Variants in MAF observed in about 807,000 individuals in gnomAD.
The protein encoded by MAF is transcription factor Maf.
In MAF, 10 loss-of-function variants were observed where a neutral mutation model predicts 22.0. That is an observed-to-expected ratio of 0.45 (90% CI 0.28 to 0.77). The LOEUF (loss-of-function observed/expected upper bound fraction) is 0.77, where lower values mean the gene tolerates loss of function less well. Among genes scored for constraint, MAF ranks in the 30% least tolerant of loss-of-function variants. The pLI, the probability that MAF is intolerant of heterozygous loss-of-function variation, is 0.12. For synonymous variants in MAF, 337 were observed against 255.8 expected, an observed-to-expected ratio of 1.32 and a Z score of -3.03; for missense variants, 544 against 548.4, an observed-to-expected ratio of 0.99 and a Z score of 0.08.
chr16:79,371,481 G>T, the MAF span, among the ~76,000 whole-genome samples: 1 of 152,054 alleles, frequency 6.6e-6, no homozygotes, highest in Non-Finnish European at 1.5e-5. Context: ...CCACTTTCTC[G>T]AATGACTAAC....
the MAF span, among the ~76,000 whole-genome samples, chr16:79,222,944 A>T: frequency 2.0e-5 from 3 of 152,224 alleles, no homozygotes; most frequent in Admixed American, 6.5e-5. Flanking sequence ...TCCACTGTCA[A>T]TATTAGACAT....
At chr16:79,435,360 G>C in the MAF span, among the ~76,000 whole-genome samples, 23 of 152,170 alleles carry the variant, frequency 1.5e-4, no homozygotes, top group African/African-American at 5.6e-4. Context: ...GGGATTGAAA[G>C]CCTTGATGTT....
the MAF span, among the ~76,000 whole-genome samples, chr16:79,367,762 T>C: frequency 1.3e-5 from 2 of 152,352 alleles, no homozygotes; most frequent in East Asian, 1.9e-4. Flanking sequence ...GGCTACCATC[T>C]TGGACAGCAC....
chr16:79,470,792 G>A, the MAF span, among the ~76,000 whole-genome samples: 2,091 of 152,272 alleles, frequency 0.014, 48 homozygotes, highest in African/African-American at 0.048. Context: ...GGATGGATGG[G>A]TGAACGGATG....
At chr16:79,264,866 C>T in the MAF span, among the ~76,000 whole-genome samples, 1 of 152,222 alleles carries the variant, frequency 6.6e-6, no homozygotes, top group East Asian at 1.9e-4. Flanking sequence ...GTTCCCTCCA[C>T]CCCACAGTTC....
the MAF span, among the ~76,000 whole-genome samples, chr16:79,232,837 CTTTT>C: frequency 4.4e-5 from 5 of 113,816 alleles, no homozygotes; most frequent in African/African-American, 3.3e-5. Context: ...ATAAGCCATT[CTTTT>C]TTTTTTTTTT....
At chr16:79,267,864 A>G in the MAF span, among the ~76,000 whole-genome samples, 2 of 151,414 alleles carry the variant, frequency 1.3e-5, no homozygotes, top group African/African-American at 4.9e-5. Flanking sequence ...CACTAAGACT[A>G]GGAGGTGGGA....
the MAF span, among the ~76,000 whole-genome samples, chr16:79,468,648 A>G: frequency 6.6e-6 from 1 of 152,142 alleles, no homozygotes; most frequent in Non-Finnish European, 1.5e-5. Context: ...GTTGGCATTG[A>G]GGGGCAGTCA....
chr16:79,334,791 G>T, the MAF span, among the ~76,000 whole-genome samples: 1 of 151,962 alleles, frequency 6.6e-6, no homozygotes, highest in Non-Finnish European at 1.5e-5. Flanking sequence ...GAAAGGATCA[G>T]TAGTGAGTTT....
chr16:79,374,846 A>G, the MAF span, among the ~76,000 whole-genome samples: 1 of 152,244 alleles, frequency 6.6e-6, no homozygotes, highest in Non-Finnish European at 1.5e-5. Flanking sequence ...AGTCCGTAAC[A>G]GACCAGATAG....
the MAF span, among the ~76,000 whole-genome samples, chr16:79,528,383 T>C: frequency 1.3e-5 from 2 of 152,114 alleles, no homozygotes; most frequent in Non-Finnish European, 2.9e-5. Context: ...CCACCCACAC[T>C]ATCAACAGAC....
the MAF span, among the ~76,000 whole-genome samples, chr16:79,516,776 G>A: frequency 3.9e-5 from 6 of 152,136 alleles, no homozygotes; most frequent in South Asian, 4.2e-4. Flanking sequence ...TGTGTACCCT[G>A]GAGCTCTAGA....
chr16:79,515,862 G>A, the MAF span: 4 of 151,964 alleles, frequency 2.6e-5, no homozygotes, highest in Admixed American at 1.3e-4. Flanking sequence ...TTGAGATGGA[G>A]CCTCCATCAT....
the MAF span, among the ~76,000 whole-genome samples, chr16:79,444,220 C>T: frequency 4.6e-5 from 7 of 151,872 alleles, no homozygotes; most frequent in African/African-American, 1.7e-4. Context: ...ACAAATACAG[C>T]CCTATAGGAA....
chr16:79,568,239 G>C, the MAF span, among the ~76,000 whole-genome samples: 2 of 152,206 alleles, frequency 1.3e-5, no homozygotes, highest in Admixed American at 1.3e-4. Context: ...TGCAAAGGAA[G>C]TCTGGCAGGG....
the MAF span, among the ~76,000 whole-genome samples, chr16:79,236,661 T>G: frequency 6.6e-6 from 1 of 152,082 alleles, no homozygotes; most frequent in Non-Finnish European, 1.5e-5. Context: ...AAGGCTAGAC[T>G]GGAGGCCCTG....
chr16:79,345,392 A>G, the MAF span, among the ~76,000 whole-genome samples: 1 of 152,214 alleles, frequency 6.6e-6, no homozygotes, highest in Admixed American at 6.5e-5. Flanking sequence ...GCTAACAATA[A>G]AAAGGAGAAA....
At chr16:79,211,889 A>C in the MAF span, 1 of 1,574,642 alleles carries the variant, frequency 6.4e-7, no homozygotes, top group Non-Finnish European at 8.6e-7. Flanking sequence ...TGTCCCTCCA[A>C]CACAGATCCG....
chr16:79,385,293 A>C, the MAF span, among the ~76,000 whole-genome samples: 3 of 152,378 alleles, frequency 2.0e-5, no homozygotes, highest in Non-Finnish European at 4.4e-5. Flanking sequence ...TAAAGGCAAC[A>C]GAGTTGCTCA....
Sources: gnomAD v4.1 joint callset for allele counts (sites outside exome capture counted in the v4.1 genomes callset) on GRCh38, gnomAD v4.1.1 for gene constraint, MANE v1.5 for transcripts, NCBI Gene and HGNC (gene_info 2026-07-23, HGNC 2026-07-21) for gene names.